SP140: variants seen among roughly 807,000 people sequenced by gnomAD.
SP140 encodes nuclear body protein SP140.
Under a neutral mutation model 125.0 loss-of-function variants are expected in SP140, and 81 were observed. The observed-to-expected ratio is 0.65, with a 90% CI of 0.54 to 0.78. The LOEUF is 0.78. Among genes scored for constraint, SP140 ranks in the 30% least tolerant of loss-of-function variants. SP140 has a pLI of 0.00. For synonymous variants in SP140, 312 were observed against 354.0 expected (o/e 0.88, Z 1.33); for missense variants, 858 against 1,037.0 (o/e 0.83, Z 2.37).
chr2:230,284,211 A>G, intron 15 of SP140, 135 bp from the exon 16 acceptor site: 1 of 792,666 alleles, frequency 1.3e-6, no homozygotes, highest in Non-Finnish European at 2.0e-6. Context: ...ACGCTGCTAC[A>G]CTGATCATAA....
intron 15 of SP140, among the ~76,000 whole-genome samples, chr2:230,281,867 C>A (rs182633431): frequency 6.6e-6 from 1 of 152,132 alleles, no homozygotes; most frequent in African/African-American, 2.4e-5. Context: ...TGAGTACATT[C>A]TTGTAGGAGT....
Position 230,225,853 on chromosome 2 carries a change from G to A in SP140, c.9G>A (p.Gln3=). The change falls in exon 1 of 27, where the codon CAG becomes CAA. Residue 3 remains glutamine, a synonymous_variant. Coordinates refer to ENST00000392045, the MANE Select transcript of SP140 (RefSeq NM_007237.5). MA[Q]QGQQGQMASG... is the part of the protein sequence containing the mutation. ...GATCCTAGGCCAAGCTCATGGCCCA[G>A]CAGGGCCAGCAGGGGCAGATGGCAA... 1.2e-6 allele frequency: 2 copies of A among 1,613,898 alleles called. No individual in the cohort carries two copies. The highest frequency in any genetic ancestry group is 1.7e-6 in the Non-Finnish European group (2 of 1,179,780).
intron 22 of SP140, among the ~76,000 whole-genome samples, chr2:230,300,430 T>C (rs1278097190): frequency 6.6e-6 from 1 of 152,218 alleles, no homozygotes; most frequent in Non-Finnish European, 1.5e-5. Flanking sequence ...CTGGAGCACG[T>C]GCTGGTACCC....
chr2:230,283,747 C>T (rs1233038302), intron 15 of SP140, among the ~76,000 whole-genome samples: 1 of 152,086 alleles, frequency 6.6e-6, no homozygotes, highest in Non-Finnish European at 1.5e-5. Flanking sequence ...TGCAAATGGC[C>T]CAGATGGCCA....
intron 1 of SP140, chr2:230,212,235 A>G: frequency 1.3e-6 from 1 of 790,534 alleles, no homozygotes; most frequent in Non-Finnish European, 2.2e-6. Flanking sequence ...TTTCCTTTGT[A>G]TTGCTCAGTT....
chr2:230,250,993 A>T lies in SP140; in HGVS notation c.989A>T (p.Asp330Val). Reference protein sequence around the residue: ...LPGEGEEGSDDCSEMCDGEEP... With the variant: ...LPGEGEEGSDVCSEMCDGEEP... The stretch of plus-strand genomic sequence containing the variant: ...TTTCTTTCTGCAGAGGGCAGTGATG[A>T]CTGTTCAGAAATGTGTGATGGAGAA... Residue 330 changes from aspartate to valine, a missense_variant, in exon 10 of 27, where the codon GAC (aspartate) becomes GTC (valine). Around this residue, in one of 4 missense-constraint regions of SP140, gnomAD observed 791 missense variants for 869.5 expected, o/e 0.91. Transcript: ENST00000392045. 6.2e-7 allele frequency: 1 copy of T among 1,613,808 alleles called. No individual in the cohort carries two copies. The highest frequency in any genetic ancestry group is 8.5e-7 in the Non-Finnish European group (1 of 1,179,804).
intron 3 of SP140, chr2:230,214,209 C>T (rs1267435470): frequency 6.6e-6 from 1 of 152,326 alleles, no homozygotes; most frequent in East Asian, 1.9e-4. Flanking sequence ...TATCCAGTCT[C>T]TTTTCTTTCT....
At position 230,211,433 on chromosome 2, in the gene SP140, C is replaced by T; in HGVS notation, c.-322-2221C>T. 1 of 1,320,078 alleles carries T rather than the reference C, an allele frequency of 7.6e-7. No homozygotes were observed. The allele number at this position is 1,320,078 out of a possible 1,614,324, so 81.8% of individuals were successfully genotyped here. A position where few individuals can be genotyped will look rare whatever the true frequency, so the allele number is the denominator to read the frequency against. On this transcript the variant is annotated intron_variant, in intron 1 of 4. Transcript: ENST00000456542. The surrounding 1 kb of genome is among the most constrained non-coding windows in gnomAD (Gnocchi z 4.2). ...CTTTTCCTCTTAGTAAACACAGAAACAAAGGCAAGCTTTTAGGTTGACCAA... is the reference window on the plus strand; with the variant it reads ...CTTTTCCTCTTAGTAAACACAGAAATAAAGGCAAGCTTTTAGGTTGACCAA...
At position 230,250,991 on chromosome 2, in the gene SP140, T is replaced by C; in HGVS notation, c.987T>C (p.Asp329=). 1 of 1,613,878 alleles carries C rather than the reference T, an allele frequency of 6.2e-7. No homozygotes were observed. Among genetic ancestry groups the C allele is most frequent in the Non-Finnish European group, 8.5e-7 (1 of 1,179,776 alleles). Residue 329 remains aspartate, a synonymous_variant, in exon 10 of 27, where the codon GAT becomes GAC. Coordinates refer to ENST00000392045, the MANE Select transcript of SP140 (RefSeq NM_007237.5). ...CTTTTCTTTCTGCAGAGGGCAGTGA[T>C]GACTGTTCAGAAATGTGTGATGGAG... ...LLPGEGEEGS[D]DCSEMCDGEE... is the part of the protein sequence containing the mutation.
chr2:230,310,282 A>T, intron 23 of SP140: 1 of 534,634 alleles, frequency 1.9e-6, no homozygotes, highest in Non-Finnish European at 3.3e-6. Flanking sequence ...ACCTTTGCCT[A>T]CATACCGGCA....
chr2:230,312,849 C>G lies in SP140; in HGVS notation c.*165C>G, dbSNP rs2059431517. On this transcript the variant is annotated 3_prime_UTR_variant, in exon 27 of 27. Coordinates refer to ENST00000392045, the MANE Select transcript of SP140 (RefSeq NM_007237.5). ...AAAGACAAATCCTCAAAAGGAAATT[C>G]AATCATCATGAATCACAACCCCAAG... 1 of 558,288 alleles carries G rather than the reference C, an allele frequency of 1.8e-6. No individual in the cohort carries two copies. Among genetic ancestry groups the G allele is most frequent in the African/African-American group, 1.9e-5 (1 of 51,648 alleles). 34.6% of individuals were successfully genotyped at this position (558,288 alleles called of 1,614,324 possible).
At chr2:230,203,143 G>A (rs939402813) in exon 1 of SP140, 16 of 224,980 alleles carry the variant, frequency 7.1e-5, no homozygotes, top group Non-Finnish European at 1.3e-4. Flanking sequence ...AAAGTTTCTA[G>A]GTGCCTTCAG....
chr2:230,286,365 T>TG (rs568796813), intron 17 of SP140, among the ~76,000 whole-genome samples: 125 of 152,282 alleles, frequency 8.2e-4, no homozygotes, highest in Middle Eastern at 3.4e-3. Context: ...CACATATAGT[T>TG]GGGGGTGACA....
chr2:230,291,294 TATC>T (rs1441194828), intron 19 of SP140, among the ~76,000 whole-genome samples: 20 of 152,246 alleles, frequency 1.3e-4, no homozygotes, highest in Non-Finnish European at 7.3e-5. Context: ...ATAGTTCACA[TATC>T]ATACAACTCA....
intron 5 of SP140, among the ~76,000 whole-genome samples, chr2:230,244,078 A>C (rs1393894686): frequency 6.6e-6 from 1 of 152,186 alleles, no homozygotes; most frequent in African/African-American, 2.4e-5. Flanking sequence ...AATAAAAACG[A>C]TTATTGTTTG....
rs2046231783 is a variant in SP140, at chr2:230,225,768, T to C, written c.-77T>C. On this transcript the variant is annotated 5_prime_UTR_variant, in exon 1 of 27. Coordinates refer to ENST00000392045, the MANE Select transcript of SP140 (RefSeq NM_007237.5). ...TCTTTGACTGAGCACCGAGGGGCAGTTGGCAGCTTCACCTCAGAGCTGCAG... is the reference window on the plus strand; with the variant it reads ...TCTTTGACTGAGCACCGAGGGGCAGCTGGCAGCTTCACCTCAGAGCTGCAG... The C allele has an allele frequency of 8.2e-7, 1 of 1,225,128 alleles. No individual in the cohort carries two copies. The highest frequency in any genetic ancestry group is 2.3e-5 in the East Asian group (1 of 43,094). The allele number at this position is 1,225,128 out of a possible 1,614,324, so 75.9% of individuals were successfully genotyped here. A position where few individuals can be genotyped will look rare whatever the true frequency, so the allele number is the denominator to read the frequency against.
intron 15 of SP140, among the ~76,000 whole-genome samples, chr2:230,277,281 C>T (rs573478649): frequency 6.6e-6 from 1 of 152,220 alleles, no homozygotes; most frequent in South Asian, 2.1e-4. Context: ...CAGTAGCCAC[C>T]AACATCCAGG....
At chr2:230,316,563 T>C (rs2059486025), downstream of SP140, among the ~76,000 whole-genome samples, 1 of 152,238 alleles carries the variant, frequency 6.6e-6, no homozygotes, top group Non-Finnish European at 1.5e-5. Flanking sequence ...TAAATACAGC[T>C]CTACATCATC....
chr2:230,217,303 C>G lies in SP140; in HGVS notation c.-91+3229C>G, dbSNP rs577208416. Among the ~76,000 whole-genome samples the G allele has an allele frequency of 7.3e-5, 11 of 151,356 alleles. No individual in the cohort carries two copies. In the South Asian group the frequency reaches 1.7e-3, roughly 23 times the overall value. On this transcript the variant is annotated intron_variant, in intron 3 of 4. Coordinates refer to the SP140 transcript ENST00000456542. Reference sequence around the variant, plus strand: ...CTTGAGGAATGTGGGAAGCTTCTCTCTGCATTAAATGGGCAGATCTAAAGG... The same window carrying G: ...CTTGAGGAATGTGGGAAGCTTCTCTGTGCATTAAATGGGCAGATCTAAAGG...
Sources: gnomAD v4.1 joint callset for allele counts (sites outside exome capture counted in the v4.1 genomes callset) on GRCh38, gnomAD v4.1.1 for gene constraint, gnomAD v4.1.1 regional missense constraint, Gnocchi (gnomAD v3.1) non-coding constraint, MANE v1.5 for transcripts, NCBI Gene and HGNC (gene_info 2026-07-23, HGNC 2026-07-21) for gene names.